PPP3CA: variants seen among roughly 807,000 people sequenced by gnomAD.
PPP3CA encodes the protein CAM-PRP catalytic subunit.
Under a neutral mutation model 66.5 loss-of-function variants are expected in PPP3CA, and 14 were observed. The ratio of observed to expected loss-of-function variants is 0.21; its 90% confidence interval spans 0.14 to 0.33. The LOEUF (loss-of-function observed/expected upper bound fraction) is 0.33. Among genes scored for constraint, PPP3CA ranks in the 10% least tolerant of loss-of-function variants. The probability of loss-of-function intolerance (pLI) is 1.00; values close to 1 mark genes in which losing one functional copy is unlikely to be tolerated. For synonymous variants in PPP3CA, 232 were observed against 226.2 expected (o/e 1.03, Z -0.23); for missense variants, 317 against 639.5 (o/e 0.50, Z 5.44).
intron 5 of PPP3CA, among the ~76,000 whole-genome samples, chr4:101,094,577 G>A (rs564425801): frequency 4.3e-4 from 65 of 152,216 alleles, no homozygotes; most frequent in African/African-American, 1.5e-3. Context: ...ACAAATATGA[G>A]TAATGATAAG....
At chr4:101,200,419 T>C (rs1724930975) in intron 1 of PPP3CA, among the ~76,000 whole-genome samples, 2 of 152,128 alleles carry the variant, frequency 1.3e-5, no homozygotes, top group African/African-American at 4.8e-5. Context: ...AATCAGTAGA[T>C]CTCAATCTGG....
In PPP3CA at chr4:101,265,684, A is replaced by T. The variant is rs117581364; in HGVS notation, c.59-69568T>A. On this transcript the variant is annotated intron_variant, in intron 1 of 13. Transcript: ENST00000394854. ...GAAAGGTAAGGAGTGGCTAAATTCC[A>T]AAGTCAAATGATAACCCAAATAAAA... Among the ~76,000 whole-genome samples the T allele has an allele frequency of 7.4e-4, 113 of 152,338 alleles. 2 individuals are homozygous for T. The East Asian group carries it at 0.02, about 27-fold the overall frequency.
At chr4:101,090,579 T>C (rs1729870066) in intron 6 of PPP3CA, among the ~76,000 whole-genome samples, 1 of 142,198 alleles carries the variant, frequency 7.0e-6, no homozygotes, top group Admixed American at 7.2e-5. Context: ...GAGGTGGAGG[T>C]TGTGGTGAGC....
chr4:101,211,372 C>T (rs1412291431), intron 1 of PPP3CA, among the ~76,000 whole-genome samples: 1 of 152,104 alleles, frequency 6.6e-6, no homozygotes, highest in East Asian at 1.9e-4. Context: ...ACATAGAAAG[C>T]CTTAAAAAAA....
At chr4:101,269,230 A>G (rs1019897689) in intron 1 of PPP3CA, among the ~76,000 whole-genome samples, 1 of 152,060 alleles carries the variant, frequency 6.6e-6, no homozygotes, top group African/African-American at 2.4e-5. Context: ...ATAATTCACC[A>G]TATACCCTTA....
intron 10 of PPP3CA, among the ~76,000 whole-genome samples, chr4:101,054,484 G>T (rs776909347): frequency 1.3e-5 from 2 of 151,968 alleles, no homozygotes; most frequent in Admixed American, 6.6e-5. Context: ...AGTGCCAAAC[G>T]CTTTTTGCTA....
chr4:101,342,775 T>C (rs555780874), intron 1 of PPP3CA, among the ~76,000 whole-genome samples: 2 of 152,252 alleles, frequency 1.3e-5, no homozygotes, highest in Non-Finnish European at 2.9e-5. Flanking sequence ...CACAAATAAA[T>C]GACATTATTT....
At chr4:101,246,645 AAAC>A (rs942592403) in intron 1 of PPP3CA, among the ~76,000 whole-genome samples, 2 of 152,180 alleles carry the variant, frequency 1.3e-5, no homozygotes, top group Admixed American at 6.5e-5. Flanking sequence ...TCTGAGTATA[AAAC>A]AACTGTGAAT....
At chr4:101,264,224 C>A (rs906332192) in intron 1 of PPP3CA, among the ~76,000 whole-genome samples, 1 of 152,184 alleles carries the variant, frequency 6.6e-6, no homozygotes, top group African/African-American at 2.4e-5. Flanking sequence ...TCCCCCAAGG[C>A]AGGAACTGTT....
At chr4:101,326,388 C>A (rs947138900) in intron 1 of PPP3CA, among the ~76,000 whole-genome samples, 8 of 152,152 alleles carry the variant, frequency 5.3e-5, no homozygotes, top group Admixed American at 2.6e-4. Context: ...CACAGGATTA[C>A]CTTAGGGATT....
intron 3 of PPP3CA, among the ~76,000 whole-genome samples, chr4:101,101,163 T>C (rs1488302514): frequency 6.6e-6 from 1 of 152,184 alleles, no homozygotes; most frequent in Non-Finnish European, 1.5e-5. Context: ...TGACTAATGA[T>C]ATTAATATGT....
At chr4:101,211,744 G>C (rs1051144400) in intron 1 of PPP3CA, among the ~76,000 whole-genome samples, 1 of 152,110 alleles carries the variant, frequency 6.6e-6, no homozygotes, top group African/African-American at 2.4e-5. Flanking sequence ...CTGTGATTTT[G>C]TTTAAAATGT....
At chr4:101,240,181 AC>A (rs1164727798) in intron 1 of PPP3CA, among the ~76,000 whole-genome samples, 1 of 152,072 alleles carries the variant, frequency 6.6e-6, no homozygotes, top group Non-Finnish European at 1.5e-5. Flanking sequence ...GTGAGAGTAC[AC>A]ACAGGAACAA....
intron 10 of PPP3CA, among the ~76,000 whole-genome samples, chr4:101,060,701 T>C (rs1728425083): frequency 1.3e-5 from 2 of 152,156 alleles, no homozygotes; most frequent in African/African-American, 4.8e-5. Context: ...GAATAATTGA[T>C]GTGAGCAACC....
At chr4:101,046,406 A>G (rs1446684990) in intron 10 of PPP3CA, among the ~76,000 whole-genome samples, 1 of 152,092 alleles carries the variant, frequency 6.6e-6, no homozygotes, top group Admixed American at 6.6e-5. Flanking sequence ...ATTGATCATT[A>G]TATCGGCCAT....
chr4:101,147,705 T>C (rs2110296167), intron 2 of PPP3CA, among the ~76,000 whole-genome samples: 1 of 152,124 alleles, frequency 6.6e-6, no homozygotes, highest in South Asian at 2.1e-4. Context: ...TCTCACTCTA[T>C]ATAAACACAC....
At chr4:101,121,746 G>C (rs758468442) in intron 2 of PPP3CA, among the ~76,000 whole-genome samples, 4 of 151,908 alleles carry the variant, frequency 2.6e-5, no homozygotes, top group Non-Finnish European at 5.9e-5. Context: ...TAAAAATAAT[G>C]AGTAACTTTA....
intron 2 of PPP3CA, among the ~76,000 whole-genome samples, chr4:101,164,562 G>GGTT (rs373118181): frequency 1.4e-5 from 2 of 142,194 alleles, no homozygotes; most frequent in African/African-American, 2.6e-5. Context: ...TGGGATTTAA[G>GGTT]TTTTTTTTTT....
chr4:101,050,160 T>G (rs939574959), intron 10 of PPP3CA, among the ~76,000 whole-genome samples: 7 of 152,056 alleles, frequency 4.6e-5, no homozygotes, highest in Non-Finnish European at 8.8e-5. Context: ...TATTATTATC[T>G]TATCAGGAGA....
Sources: gnomAD v4.1 joint callset for allele counts (sites outside exome capture counted in the v4.1 genomes callset) on GRCh38, gnomAD v4.1.1 for gene constraint, MANE v1.5 for transcripts, NCBI Gene and HGNC (gene_info 2026-07-23, HGNC 2026-07-21) for gene names.